The following PCSK5 variants were observed in gnomAD, a reference collection of about 807,000 sequenced individuals.
PCSK5 encodes prohormone convertase 5.
In PCSK5, 129 loss-of-function variants were observed where a neutral mutation model predicts 233.2. The observed-to-expected ratio is 0.55, with a 90% CI of 0.48 to 0.64. The LOEUF (loss-of-function observed/expected upper bound fraction) is 0.64. Ranked by LOEUF, PCSK5 falls within the 30% of genes least tolerant of loss-of-function variation. The pLI is 0.00. For missense variants in PCSK5, 2,076 were observed against 2,430.1 expected, an observed-to-expected ratio of 0.85 and a Z score of 3.06; for synonymous variants, 825 against 879.2, an observed-to-expected ratio of 0.94 and a Z score of 1.09.
Position 76,329,788 on chromosome 9 carries a change from G to A in PCSK5, c.4570+1549G>A, listed in dbSNP as rs7858625. On this transcript the variant is annotated intron_variant, in intron 33 of 37. Transcript: ENST00000674117. ...ACAGAGGTTGCAGTGATCCGAGATCGCACCACTACACTCCAGCCTAGGCAA... is the reference window on the plus strand; with the variant it reads ...ACAGAGGTTGCAGTGATCCGAGATCACACCACTACACTCCAGCCTAGGCAA... Among the ~76,000 whole-genome samples, 1,317 of 152,000 alleles carry A rather than the reference G, an allele frequency of 8.7e-3. 15 individuals carry two copies. The highest frequency in any genetic ancestry group is 0.03 in the African/African-American group (1,252 of 41,448).
chr9:75,892,861 G>A (rs902605828), intron 1 of PCSK5, among the ~76,000 whole-genome samples: 1 of 152,202 alleles, frequency 6.6e-6, no homozygotes, highest in Non-Finnish European at 1.5e-5. Flanking sequence ...TGAGACTAGG[G>A]CAAGGGGCAC....
chr9:76,128,409 T>TC (rs1162944583), intron 9 of PCSK5, among the ~76,000 whole-genome samples: 1 of 152,216 alleles, frequency 6.6e-6, no homozygotes, highest in African/African-American at 2.4e-5. Flanking sequence ...GCATGTGATC[T>TC]CAAATGACTG....
chr9:76,180,087 G>GTGTGTGTA (rs543361179), intron 15 of PCSK5, among the ~76,000 whole-genome samples: 4 of 132,598 alleles, frequency 3.0e-5, no homozygotes, highest in Non-Finnish European at 6.2e-5. Context: ...GTGTGTGTGT[G>GTGTGTGTA]TATATATATA....
chr9:76,326,257 G>C (rs1467673862), intron 32 of PCSK5, among the ~76,000 whole-genome samples: 2 of 152,088 alleles, frequency 1.3e-5, no homozygotes, highest in Non-Finnish European at 2.9e-5. Flanking sequence ...GTAGTGGTGT[G>C]TGCCTGTAGT....
Position 76,192,995 on chromosome 9 carries a change from T to TTC in PCSK5, c.2626+3249_2626+3250insTC, listed in dbSNP as rs1554704002. ...TTCTTTTTCTAATCTTTTTTTTTTT[T>TTC]CACAAATGGATACCAATTACATTTA... On this transcript the variant is annotated intron_variant, in intron 20 of 37. Coordinates refer to ENST00000674117, the MANE Select transcript of PCSK5 (RefSeq NM_001372043.1). Among the ~76,000 whole-genome samples, 6 of 151,738 alleles carry TTC rather than the reference T, an allele frequency of 4.0e-5. No homozygotes were observed. In the East Asian group the frequency reaches 5.8e-4, roughly 15 times the overall value.
intron 2 of PCSK5, among the ~76,000 whole-genome samples, chr9:75,937,675 T>C (rs1587388884): frequency 6.6e-6 from 1 of 152,270 alleles, no homozygotes; most frequent in Admixed American, 6.5e-5. Flanking sequence ...AAGGCTGTTT[T>C]ATTTCATCTA....
At chr9:76,131,830 C>T (rs946758834) in intron 9 of PCSK5, among the ~76,000 whole-genome samples, 8 of 151,984 alleles carry the variant, frequency 5.3e-5, no homozygotes, top group Non-Finnish European at 7.4e-5. Flanking sequence ...TTTCTCCTCC[C>T]TAAAGGAGAG....
chr9:76,028,215 T>C (rs1029517463), intron 5 of PCSK5, among the ~76,000 whole-genome samples: 4 of 152,232 alleles, frequency 2.6e-5, no homozygotes, highest in African/African-American at 9.6e-5. Flanking sequence ...AGACCTACAT[T>C]AAACTGGATA....
At chr9:76,315,383 T>C (rs1014834955) in intron 30 of PCSK5, among the ~76,000 whole-genome samples, 2 of 152,176 alleles carry the variant, frequency 1.3e-5, no homozygotes, top group Admixed American at 6.5e-5. Context: ...CTGGTCACTG[T>C]CTTGGTGTCT....
chr9:76,108,853 G>A (rs1832090157), intron 9 of PCSK5, among the ~76,000 whole-genome samples: 1 of 152,178 alleles, frequency 6.6e-6, no homozygotes, highest in African/African-American at 2.4e-5. Flanking sequence ...TGTTAAGGCA[G>A]CTGGACCTGA....
chr9:76,319,757 T>G (rs558669352), intron 30 of PCSK5, among the ~76,000 whole-genome samples: 1 of 152,314 alleles, frequency 6.6e-6, no homozygotes, highest in African/African-American at 2.4e-5. Flanking sequence ...TGTGGTGCTG[T>G]GCTTCGGTGG....
chr9:76,133,562 G>C (rs1410024576), intron 9 of PCSK5, among the ~76,000 whole-genome samples: 1 of 151,974 alleles, frequency 6.6e-6, no homozygotes, highest in Non-Finnish European at 1.5e-5. Context: ...TCTGTACCAT[G>C]TTCTCTTCCT....
At position 76,328,135 on chromosome 9, in the gene PCSK5, A is replaced by T; in HGVS notation, c.4466A>T (p.Asp1489Val). 6.2e-7 allele frequency: 1 copy of T among 1,612,772 alleles called. No homozygotes were observed. The highest frequency in any genetic ancestry group is 8.5e-7 in the Non-Finnish European group (1 of 1,179,792). ...AAGTGCTCACCCTCCGAGTACTGGG[A>T]TGAGGATGCTCCCGGGTGCAAGCCC... Reference protein sequence around the residue: ...NEKCSPSEYWDEDAPGCKPCH... With the variant: ...NEKCSPSEYWVEDAPGCKPCH... Residue 1489 changes from aspartate to valine, a missense_variant, in exon 33 of 38, where the codon GAT becomes GTT. Asp to Val is a radical substitution (Grantham distance 152). Transcript: ENST00000674117.
At chr9:76,124,205 T>C (rs1476667319) in intron 9 of PCSK5, among the ~76,000 whole-genome samples, 1 of 152,140 alleles carries the variant, frequency 6.6e-6, no homozygotes, top group Non-Finnish European at 1.5e-5. Flanking sequence ...AGAAAGGAAG[T>C]GAACCTTTCT....
chr9:75,956,027 A>C (rs1211782884), intron 2 of PCSK5, among the ~76,000 whole-genome samples: 3 of 152,194 alleles, frequency 2.0e-5, no homozygotes, highest in Non-Finnish European at 4.4e-5. Flanking sequence ...TAAACAGCTA[A>C]AGCGTCCAGG....
At chr9:75,915,801 G>T (rs1008391580) in intron 1 of PCSK5, among the ~76,000 whole-genome samples, 1 of 152,128 alleles carries the variant, frequency 6.6e-6, no homozygotes, top group Non-Finnish European at 1.5e-5. Context: ...TAGAAATGTT[G>T]CAGTGATTCT....
chr9:75,986,964 T>C (rs1826542194), intron 3 of PCSK5, among the ~76,000 whole-genome samples: 1 of 152,238 alleles, frequency 6.6e-6, no homozygotes. Context: ...AATCCACATG[T>C]CACCAATTTG....
At chr9:76,036,740 A>G (rs1453899312) in intron 5 of PCSK5, among the ~76,000 whole-genome samples, 2 of 152,250 alleles carry the variant, frequency 1.3e-5, no homozygotes, top group Non-Finnish European at 2.9e-5. Flanking sequence ...ACGTCACTGA[A>G]TGGCGGAATC....
chr9:76,135,951 CAG>C (rs1366009294), intron 10 of PCSK5, among the ~76,000 whole-genome samples: 2 of 151,992 alleles, frequency 1.3e-5, no homozygotes, highest in African/African-American at 2.4e-5. Context: ...GAGGGGGAGA[CAG>C]AGGGTTTAGA....
Sources: allele counts gnomAD v4.1 joint callset (sites outside exome capture counted in the v4.1 genomes callset), GRCh38; gene constraint gnomAD v4.1.1; transcripts MANE v1.5; gene names NCBI Gene and HGNC (gene_info 2026-07-23, HGNC 2026-07-21).